The following CACNA2D3 variants were observed in gnomAD, a reference collection of about 807,000 sequenced individuals.
The protein encoded by CACNA2D3 is calcium voltage-gated channel auxiliary subunit alpha2delta 3, also known as voltage-dependent calcium channel subunit alpha-2/delta-3.
A neutral mutation model predicts 160.6 loss-of-function variants in CACNA2D3; 60 were observed. The ratio of observed to expected loss-of-function variants is 0.37; its 90% confidence interval spans 0.30 to 0.46. The LOEUF (loss-of-function observed/expected upper bound fraction) is 0.46. Ranked by LOEUF, CACNA2D3 falls within the 20% of genes least tolerant of loss-of-function variation. The pLI, the probability that CACNA2D3 is intolerant of heterozygous loss-of-function variation, is 1.00. For missense variants in CACNA2D3, 1,205 were observed against 1,365.0 expected, an observed-to-expected ratio of 0.88 and a Z score of 1.85; for synonymous variants, 558 against 492.9, an observed-to-expected ratio of 1.13 and a Z score of -1.75.
intron 4 of CACNA2D3, among the ~76,000 whole-genome samples, chr3:54,413,617 G>A (rs1192196611): frequency 2.7e-5 from 4 of 150,304 alleles, no homozygotes; most frequent in Non-Finnish European, 5.9e-5. Context: ...CTTTTCATTT[G>A]TTTCCAACCT....
At chr3:55,023,413 C>A (rs1703502014) in intron 35 of CACNA2D3, among the ~76,000 whole-genome samples, 1 of 152,138 alleles carries the variant, frequency 6.6e-6, no homozygotes, top group African/African-American at 2.4e-5. Context: ...CTTTTCATTT[C>A]TAGACATTTC....
intron 4 of CACNA2D3, among the ~76,000 whole-genome samples, chr3:54,437,842 T>C (rs1700083182): frequency 6.6e-6 from 1 of 152,222 alleles, no homozygotes; most frequent in Non-Finnish European, 1.5e-5. Flanking sequence ...GTGCCAACAC[T>C]GCAGTCAGGT....
chr3:54,453,134 A>G (rs1700337401), intron 4 of CACNA2D3, among the ~76,000 whole-genome samples: 2 of 152,006 alleles, frequency 1.3e-5, no homozygotes, highest in Non-Finnish European at 2.9e-5. Context: ...TGGGACCATA[A>G]GTATGCACCA....
chr3:54,642,241 G>C lies in CACNA2D3; in HGVS notation c.1167G>C (p.Lys389Asn). 6.3e-7 allele frequency: 1 copy of C among 1,595,670 alleles called. No homozygotes were observed. The highest frequency in any genetic ancestry group is 8.6e-7 in the Non-Finnish European group (1 of 1,166,134). The change falls in exon 11 of 38, where the codon AAG becomes AAC. Residue 389 changes from lysine to asparagine, a missense_variant and splice_region_variant. Coordinates refer to ENST00000474759, the MANE Select transcript of CACNA2D3 (RefSeq NM_018398.3). ...CAAAATACAATTGGCCAGATCGAAA[G>C]GTAAGTTGATGCTGATCCCGTCTGT... is the stretch of plus-strand genomic sequence containing the variant. ...IFAKYNWPDR[K>N]VRIFTYLIGR...
chr3:54,287,068 C>T (rs1703048639), intron 2 of CACNA2D3, among the ~76,000 whole-genome samples: 1 of 151,982 alleles, frequency 6.6e-6, no homozygotes, highest in Admixed American at 6.5e-5. Flanking sequence ...ATCAAATTCA[C>T]ACATAACAAT....
intron 4 of CACNA2D3, among the ~76,000 whole-genome samples, chr3:54,484,040 T>C (rs1430827989): frequency 1.3e-5 from 2 of 152,210 alleles, no homozygotes; most frequent in Non-Finnish European, 2.9e-5. Context: ...CAGATGGTTA[T>C]GTAATCATGT....
At chr3:54,390,386 G>A (rs977043603) in intron 4 of CACNA2D3, among the ~76,000 whole-genome samples, 8 of 152,104 alleles carry the variant, frequency 5.3e-5, no homozygotes, top group African/African-American at 1.9e-4. Context: ...GAAAAAATGA[G>A]GCACCAAGAA....
chr3:54,461,683 C>G (rs7631946), intron 4 of CACNA2D3, among the ~76,000 whole-genome samples: 67,660 of 151,190 alleles, frequency 0.45, 16,412 homozygotes, highest in Non-Finnish European at 0.53. Context: ...CTTTATTAGT[C>G]TTGGTAGTGA....
chr3:54,539,480 G>A (rs1170558842), intron 5 of CACNA2D3, among the ~76,000 whole-genome samples: 2 of 152,284 alleles, frequency 1.3e-5, no homozygotes, highest in Non-Finnish European at 2.9e-5. Context: ...TGTGCTAAAT[G>A]TTTTCTTTTG....
intron 2 of CACNA2D3, among the ~76,000 whole-genome samples, chr3:54,212,652 C>T (rs1701396707): frequency 6.6e-6 from 1 of 152,166 alleles, no homozygotes; most frequent in African/African-American, 2.4e-5. Context: ...ACCCCCACTT[C>T]CTATCATGGC....
At chr3:54,344,946 G>A (rs7634606) in intron 3 of CACNA2D3, among the ~76,000 whole-genome samples, 83,136 of 151,976 alleles carry the variant, frequency 0.55, 23,141 homozygotes, top group African/African-American at 0.64. Context: ...AATGGCCACG[G>A]GAGTGACCTC....
intron 11 of CACNA2D3, among the ~76,000 whole-genome samples, chr3:54,653,742 C>T (rs979472536): frequency 1.1e-4 from 17 of 152,318 alleles, no homozygotes; most frequent in Admixed American, 5.2e-4. Context: ...CAGGGGCCCA[C>T]GACAGATGCA....
chr3:54,124,654 AG>A (rs1559854208), intron 2 of CACNA2D3, among the ~76,000 whole-genome samples: 1 of 152,228 alleles, frequency 6.6e-6, no homozygotes, highest in Non-Finnish European at 1.5e-5. Flanking sequence ...TTTTGGGGAC[AG>A]TATATGAAAC....
intron 2 of CACNA2D3, among the ~76,000 whole-genome samples, chr3:54,135,294 G>C (rs1348858377): frequency 6.6e-6 from 1 of 152,208 alleles, no homozygotes; most frequent in Non-Finnish European, 1.5e-5. Flanking sequence ...AGCATCCACA[G>C]AACGTTCCTT....
At chr3:54,451,176 T>C (rs887833734) in intron 4 of CACNA2D3, among the ~76,000 whole-genome samples, 4 of 150,914 alleles carry the variant, frequency 2.7e-5, no homozygotes, top group Admixed American at 2.0e-4. Flanking sequence ...GACGTCAGAT[T>C]CATTCTTCCT....
At position 54,928,155 on chromosome 3, in the gene CACNA2D3, C is replaced by T. The variant is rs142882366; in HGVS notation, c.2449+28287C>T. On this transcript the variant is annotated intron_variant, in intron 27 of 37. Coordinates refer to ENST00000474759, the MANE Select transcript of CACNA2D3 (RefSeq NM_018398.3). ...TCCATAAGAGGATCTTGGGATCGTG[C>T]CCCTCTTCTTTCTTAAAATGTTGGC... is the stretch of plus-strand genomic sequence containing the variant. 3.2e-3 allele frequency: 1,690 copies of T among 521,740 alleles called. 35 individuals are homozygous for T. The highest frequency in any genetic ancestry group is 0.029 in the African/African-American group (1,525 of 52,488). 32.3% of individuals were successfully genotyped at this position (521,740 alleles called of 1,614,324 possible).
intron 13 of CACNA2D3, among the ~76,000 whole-genome samples, chr3:54,769,643 T>C (rs1702283193): frequency 6.6e-6 from 1 of 152,200 alleles, no homozygotes; most frequent in Non-Finnish European, 1.5e-5. Flanking sequence ...ATGAATGCAA[T>C]AAATACTATT....
intron 11 of CACNA2D3, among the ~76,000 whole-genome samples, chr3:54,713,717 G>A (rs568067692): frequency 7.9e-5 from 12 of 152,288 alleles, no homozygotes; most frequent in African/African-American, 2.9e-4. Context: ...CTCTGGGAGG[G>A]TTCATACACA....
At chr3:54,732,786 A>G (rs761618071) in intron 11 of CACNA2D3, among the ~76,000 whole-genome samples, 3 of 152,220 alleles carry the variant, frequency 2.0e-5, no homozygotes, top group Non-Finnish European at 2.9e-5. Context: ...TCATTTCCTA[A>G]GGCTTCCACG....
Sources: gnomAD v4.1 joint callset for allele counts (sites outside exome capture counted in the v4.1 genomes callset) on GRCh38, gnomAD v4.1.1 for gene constraint, MANE v1.5 for transcripts, NCBI Gene and HGNC (gene_info 2026-07-23, HGNC 2026-07-21) for gene names.